Variants in TANC2 observed in about 807,000 individuals in gnomAD.
TANC2 encodes protein TANC2.
TANC2 carries 26 observed loss-of-function variants against 210.5 expected under a neutral mutation model. The ratio of observed to expected loss-of-function variants is 0.12; its 90% CI spans 0.09 to 0.17. The LOEUF (loss-of-function observed/expected upper bound fraction) is 0.17. Among genes scored for constraint, TANC2 ranks in the 10% least tolerant of loss-of-function variants. The pLI is 1.00. For synonymous variants in TANC2, 931 were observed against 967.1 expected, an observed-to-expected ratio of 0.96 and a Z score of 0.69; for missense variants, 2,129 against 2,608.9, an observed-to-expected ratio of 0.82 and a Z score of 4.01.
intron 9 of TANC2, among the ~76,000 whole-genome samples, chr17:63,290,322 T>C (rs1181829278): frequency 6.6e-6 from 1 of 152,154 alleles, no homozygotes; most frequent in Non-Finnish European, 1.5e-5. Context: ...AGTCAGGTTT[T>C]CCTACCCTGG....
chr17:63,237,139 C>T (rs553733548), intron 7 of TANC2, among the ~76,000 whole-genome samples: 13 of 152,074 alleles, frequency 8.5e-5, no homozygotes, highest in African/African-American at 2.4e-4. Flanking sequence ...GCATCCTCAC[C>T]GTCTGTTATT....
At chr17:63,194,170 A>T (rs1194280612) in intron 6 of TANC2, 31 bp downstream of exon 6, 1 of 1,602,018 alleles carries the variant, frequency 6.2e-7, no homozygotes, top group Non-Finnish European at 8.5e-7. Flanking sequence ...TTTGTGAAAC[A>T]TGGTGTGAAT....
intron 14 of TANC2, among the ~76,000 whole-genome samples, chr17:63,358,376 A>AGAATGTGT (rs1470682571): frequency 1.2e-5 from 1 of 80,942 alleles, no homozygotes; most frequent in Non-Finnish European, 3.0e-5. Flanking sequence ...AGAGAGAGAG[A>AGAATGTGT]GTATGTGTGT....
chr17:63,311,087 T>C (rs1251085565), intron 9 of TANC2, among the ~76,000 whole-genome samples: 1 of 152,238 alleles, frequency 6.6e-6, no homozygotes, highest in African/African-American at 2.4e-5. Context: ...GCCTCTGTTT[T>C]ATCTATAAAA....
At chr17:63,237,730 A>G (rs1256708041) in intron 7 of TANC2, 84 bp from the exon 8 acceptor site, 17 of 1,363,712 alleles carry the variant, frequency 1.2e-5, no homozygotes, top group Middle Eastern at 1.9e-4. Flanking sequence ...CCTTTCCCCA[A>G]TGTGTGTTTT....
chr17:63,375,863 C>T (rs1028590681), intron 14 of TANC2, among the ~76,000 whole-genome samples: 3 of 151,360 alleles, frequency 2.0e-5, no homozygotes, highest in African/African-American at 4.9e-5. Flanking sequence ...GCTGAGGTGG[C>T]CAGATCATGA....
At chr17:63,287,818 G>A (rs544245351) in intron 9 of TANC2, among the ~76,000 whole-genome samples, 53 of 152,050 alleles carry the variant, frequency 3.5e-4, no homozygotes, top group Non-Finnish European at 6.9e-4. Flanking sequence ...GGGACTACAG[G>A]TGAGCACCAC....
chr17:63,299,966 G>A (rs1567894039), intron 9 of TANC2, among the ~76,000 whole-genome samples: 1 of 152,130 alleles, frequency 6.6e-6, no homozygotes, highest in South Asian at 2.1e-4. Context: ...TGTATAAGGT[G>A]TAAGGAAGGG....
At position 63,318,555 on chromosome 17, in the gene TANC2, G is replaced by T. The variant is rs113783635; in HGVS notation, c.1442-402G>T. On this transcript the variant is annotated intron_variant, in intron 10 of 27. Coordinates refer to ENST00000689528, the Ensembl canonical transcript of TANC2. ...TAATTTACTTTCTGTCTCTACAGAT[G>T]TTTCTGTTCTGGGCATTTCACATAA... is the stretch of plus-strand genomic sequence containing the variant. Among the ~76,000 whole-genome samples, 1,268 of 152,242 alleles carry T rather than the reference G, an allele frequency of 8.3e-3. 15 individuals carry two copies. Among genetic ancestry groups the T allele is most frequent in the African/African-American group, 0.028 (1,159 of 41,540 alleles).
intron 7 of TANC2, among the ~76,000 whole-genome samples, chr17:63,215,485 C>T (rs1403370492): frequency 2.0e-5 from 3 of 152,110 alleles, no homozygotes; most frequent in Non-Finnish European, 2.9e-5. Flanking sequence ...GGAATGACTA[C>T]GGTTACACTT....
intron 26 of TANC2, among the ~76,000 whole-genome samples, chr17:63,415,875 C>G (rs1190346880): frequency 2.6e-5 from 4 of 152,130 alleles, no homozygotes; most frequent in Non-Finnish European, 5.9e-5. Flanking sequence ...GAAATTAATG[C>G]TGCGAGTACT....
At chr17:63,419,942 G>A in intron 27 of TANC2, 57 bp from the exon 28 acceptor site, 1 of 1,477,142 alleles carries the variant, frequency 6.8e-7, no homozygotes, top group Non-Finnish European at 9.0e-7. Context: ...TCAGCTCTTG[G>A]TGATTTCTCT....
intron 19 of TANC2, among the ~76,000 whole-genome samples, chr17:63,401,517 G>C (rs893949985): frequency 2.0e-5 from 3 of 152,206 alleles, no homozygotes; most frequent in African/African-American, 7.2e-5. Flanking sequence ...GTGAATCTTA[G>C]AATATTAATT....
chr17:63,137,231 G>A (rs2039121272), intron 4 of TANC2, among the ~76,000 whole-genome samples: 1 of 152,094 alleles, frequency 6.6e-6, no homozygotes, highest in South Asian at 2.1e-4. Flanking sequence ...CCTAAATAGA[G>A]CTTAAAAGTA....
intron 7 of TANC2, among the ~76,000 whole-genome samples, chr17:63,205,468 A>T (rs1469123462): frequency 6.6e-6 from 1 of 151,886 alleles, no homozygotes; most frequent in Non-Finnish European, 1.5e-5. Flanking sequence ...TAGGAGAGGA[A>T]CAGAGAACAT....
intron 2 of TANC2, among the ~76,000 whole-genome samples, chr17:63,022,420 C>T (rs578240224): frequency 6.6e-6 from 1 of 151,706 alleles, no homozygotes; most frequent in East Asian, 1.9e-4. Context: ...TGCTGTGTAG[C>T]TACTTCTGGC....
intron 3 of TANC2, among the ~76,000 whole-genome samples, chr17:63,079,960 C>T (rs564417119): frequency 1.3e-5 from 2 of 152,254 alleles, no homozygotes; most frequent in East Asian, 3.9e-4. Flanking sequence ...GACTGTAAAA[C>T]TGATTGTGTT....
intron 1 of TANC2, among the ~76,000 whole-genome samples, chr17:62,975,817 G>C (rs1196826950): frequency 2.0e-5 from 3 of 151,844 alleles, no homozygotes; most frequent in Non-Finnish European, 1.5e-5. Context: ...AAAATATCTT[G>C]GTGAAAATCC....
At chr17:63,230,907 T>G (rs185954660) in intron 7 of TANC2, among the ~76,000 whole-genome samples, 1 of 152,304 alleles carries the variant, frequency 6.6e-6, no homozygotes, top group African/African-American at 2.4e-5. Context: ...CTAAGTCTCT[T>G]TGTAGGTCTC....
Sources: gnomAD v4.1 joint callset for allele counts (sites outside exome capture counted in the v4.1 genomes callset) on GRCh38, gnomAD v4.1.1 for gene constraint, MANE v1.5 for transcripts, NCBI Gene and HGNC (gene_info 2026-07-23, HGNC 2026-07-21) for gene names.